PCNX4: variants seen among roughly 807,000 people sequenced by gnomAD.
PCNX4 encodes pecanex 4.
Under a neutral mutation model 107.2 loss-of-function variants are expected in PCNX4, and 103 were observed. The ratio of observed to expected loss-of-function variants is 0.96; its 90% CI spans 0.82 to 1.13. PCNX4 has a LOEUF of 1.13. Ranked by LOEUF, PCNX4 falls within the 50% of genes most tolerant of loss-of-function variation. The pLI, the probability that PCNX4 is intolerant of heterozygous loss-of-function variation, is 0.00. For missense variants in PCNX4, 1,528 were observed against 1,379.4 expected, an observed-to-expected ratio of 1.11 and a Z score of -1.71; for synonymous variants, 541 against 481.7, an observed-to-expected ratio of 1.12 and a Z score of -1.61.
Position 60,125,043 on chromosome 14 carries a change from C to G in PCNX4, c.2872C>G (p.Leu958Val). Residue 958 changes from leucine (L) to valine (V), a missense_variant, in exon 9 of 11, where the codon CTG (leucine) becomes GTG (valine). Leu to Val is a conservative substitution (Grantham distance 32). Transcript: ENST00000406854. ...TTCAGAAGAGAAGGCCTCAAATGTA[C>G]TGGAAGAAATTGCCAAGGACAAAGT... is the stretch of plus-strand genomic sequence containing the variant. Reference protein sequence around the residue: ...YHSEEKASNVLEEIAKDKVLK... With the variant: ...YHSEEKASNVVEEIAKDKVLK... 1 of 1,613,646 alleles carries G rather than the reference C, an allele frequency of 6.2e-7. No homozygotes were observed. Among genetic ancestry groups the G allele is most frequent in the Non-Finnish European group, 8.5e-7 (1 of 1,179,710 alleles).
chr14:60,109,797 C>G (rs1895699814), intron 2 of PCNX4: 1 of 167,126 alleles, frequency 6.0e-6, no homozygotes, highest in Admixed American at 6.5e-5. Context: ...CTGATGAAGT[C>G]TGAAGTCCCC....
Position 60,092,160 on chromosome 14 carries a change from C to G in PCNX4, c.-313C>G, listed in dbSNP as rs1895308564. ...CACAGACCGGGGCAGCGAGGCCAGC[C>G]AGGCGCCGACGAGGTCCCCGAACGC... is the stretch of plus-strand genomic sequence containing the variant. On this transcript the variant is annotated 5_prime_UTR_variant, in exon 1 of 11. Coordinates refer to ENST00000406854, the MANE Select transcript of PCNX4 (RefSeq NM_001330177.2). 6.6e-6 allele frequency: 1 copy of G among 152,352 alleles called. No individual in the cohort carries two copies. Among genetic ancestry groups the G allele is most frequent in the South Asian group, 2.1e-4 (1 of 4,838 alleles). The allele number at this position is 152,352 out of a possible 1,614,324, so 9.4% of individuals were successfully genotyped here. A position where few individuals can be genotyped will look rare whatever the true frequency, so the allele number is the denominator to read the frequency against.
At chr14:60,111,856 G>T (rs1895746795) in intron 2 of PCNX4, among the ~76,000 whole-genome samples, 1 of 152,042 alleles carries the variant, frequency 6.6e-6, no homozygotes, top group African/African-American at 2.4e-5. Context: ...TATTTTTAAA[G>T]AAGAAAATGA....
In PCNX4 at chr14:60,121,264, G is replaced by T; in HGVS notation, c.2011G>T (p.Glu671Ter). 6.2e-7 allele frequency: 1 copy of T among 1,610,580 alleles called. No individual in the cohort carries two copies. The highest frequency in any genetic ancestry group is 8.5e-7 in the Non-Finnish European group (1 of 1,178,314). ...QDRLMWIMIL[E>*]CGYTYCSINI... is the part of the protein sequence containing the mutation. ...TCGTTTAATGTGGATAATGATTCTGGAATGTGGCTATACTTACTGCTCTAT... is the reference window on the plus strand; with the variant it reads ...TCGTTTAATGTGGATAATGATTCTGTAATGTGGCTATACTTACTGCTCTAT... The change falls in exon 8 of 11, where the codon GAA becomes TAA. Residue 671 changes from glutamate to a stop codon, truncating the protein, a stop_gained. Coordinates refer to ENST00000406854, the MANE Select transcript of PCNX4 (RefSeq NM_001330177.2). LOFTEE classifies it high-confidence loss of function.
At position 60,144,692 on chromosome 14, in the gene PCNX4, C is replaced by A. The variant is rs1305707892; in HGVS notation, c.*10471C>A. 9.2e-6 allele frequency: 3 copies of A among 327,796 alleles called. No individual in the cohort carries two copies. The allele number at this position is 327,796 out of a possible 1,614,324, so 20.3% of individuals were successfully genotyped here. A position where few individuals can be genotyped will look rare whatever the true frequency, so the allele number is the denominator to read the frequency against. On this transcript the variant is annotated 3_prime_UTR_variant, in exon 11 of 11. Transcript: ENST00000406854. ...TTATAGCAGCACAAATGGACTAAGA[C>A]AAATCTGTTAACTTAGATTTTAAGC...
intron 1 of PCNX4, among the ~76,000 whole-genome samples, chr14:60,106,657 G>A (rs1018897356): frequency 6.6e-6 from 1 of 152,200 alleles, no homozygotes; most frequent in Non-Finnish European, 1.5e-5. Flanking sequence ...ATTCTTAAAG[G>A]TGACCCCCAA....
chr14:60,112,808 A>G (rs1248817383), intron 2 of PCNX4, among the ~76,000 whole-genome samples: 1 of 152,222 alleles, frequency 6.6e-6, no homozygotes, highest in Non-Finnish European at 1.5e-5. Flanking sequence ...TCTACTCAGA[A>G]TGAAATGAAT....
At chr14:60,123,459 C>T (rs1233777470) in intron 8 of PCNX4, among the ~76,000 whole-genome samples, 1 of 152,006 alleles carries the variant, frequency 6.6e-6, no homozygotes, top group Non-Finnish European at 1.5e-5. Flanking sequence ...GACTGAAAAA[C>T]AAGTTCTGAA....
Position 60,146,782 on chromosome 14 carries a change from A to C in PCNX4, c.*12561A>C, listed in dbSNP as rs1008858770. On this transcript the variant is annotated 3_prime_UTR_variant, in exon 11 of 11. Coordinates refer to ENST00000406854, the MANE Select transcript of PCNX4 (RefSeq NM_001330177.2). The surrounding 1 kb of genome is among the most constrained non-coding windows in gnomAD (Gnocchi z 4.9). The stretch of plus-strand genomic sequence containing the variant: ...GCATTTGTGAAAACATGGATAATGA[A>C]TGGACGTTAATGCTAAGTGATATAA... The C allele has an allele frequency of 6.6e-6, 1 of 152,204 alleles. No individual in the cohort carries two copies. Among genetic ancestry groups the C allele is most frequent in the Non-Finnish European group, 1.5e-5 (1 of 68,026 alleles). The allele number at this position is 152,204 out of a possible 1,614,324, so 9.4% of individuals were successfully genotyped here.
Position 60,139,581 on chromosome 14 carries a change from GAAT to G in PCNX4, c.*5365_*5367del, listed in dbSNP as rs1896283780. On this transcript the variant is annotated 3_prime_UTR_variant, in exon 11 of 11. Transcript: ENST00000406854. Reference sequence around the variant, plus strand: ...AAAATACGTAAATATGTAAAGATTGGAATAATACTTTAAAACTTAACCTAATTG... The same window carrying G: ...AAAATACGTAAATATGTAAAGATTGGAATACTTTAAAACTTAACCTAATTG... 6.6e-6 allele frequency: 1 copy of G among 152,012 alleles called. No individual in the cohort carries two copies. Among genetic ancestry groups the G allele is most frequent in the Non-Finnish European group, 1.5e-5 (1 of 67,958 alleles). 9.4% of individuals were successfully genotyped at this position (152,012 alleles called of 1,614,324 possible). A position where few individuals can be genotyped will look rare whatever the true frequency, so the allele number is the denominator to read the frequency against.
chr14:60,118,972 A>G (rs563078755), intron 7 of PCNX4, among the ~76,000 whole-genome samples: 2 of 152,324 alleles, frequency 1.3e-5, no homozygotes, highest in East Asian at 1.9e-4. Context: ...TCAGATTACA[A>G]TGCACCATCG....
intron 1 of PCNX4, among the ~76,000 whole-genome samples, chr14:60,097,050 T>TTTAAA (rs71111689): frequency 0.75 from 113,349 of 151,500 alleles, 44,490 homozygotes; most frequent in Non-Finnish European, 0.87. Context: ...TTTTCTACAG[T>TTTAAA]TTAAATTCTG....
intron 1 of PCNX4, among the ~76,000 whole-genome samples, chr14:60,096,263 A>T (rs1048874998): frequency 1.3e-5 from 2 of 152,310 alleles, no homozygotes; most frequent in Middle Eastern, 3.4e-3. Context: ...CCGTGAGTCT[A>T]TGTAAAGCCA....
chr14:60,108,049 A>T lies in PCNX4; in HGVS notation c.411A>T (p.Val137=). 1 of 1,612,866 alleles carries T rather than the reference A, an allele frequency of 6.2e-7. No individual in the cohort carries two copies. Among genetic ancestry groups the T allele is most frequent in the Non-Finnish European group, 8.5e-7 (1 of 1,179,868 alleles). ...TTCTCATTCCTGGCAAGAAATATGT[A>T]GCCAATACAGTTTTTCATTCTATTC... ...VKFLIPGKKY[V]ANTVFHSILA... Residue 137 remains valine (V), a synonymous_variant, in exon 2 of 11, where the codon GTA becomes GTT. Coordinates refer to ENST00000406854, the MANE Select transcript of PCNX4 (RefSeq NM_001330177.2).
chr14:60,130,827 C>A (rs1896140963), intron 10 of PCNX4, among the ~76,000 whole-genome samples: 1 of 151,080 alleles, frequency 6.6e-6, no homozygotes, highest in Admixed American at 6.6e-5. Context: ...TAAGGCTGGG[C>A]GCAGTGGTTC....
intron 8 of PCNX4, 54 bp downstream of exon 8, chr14:60,121,353 T>G: frequency 6.4e-7 from 1 of 1,565,942 alleles, no homozygotes; most frequent in Non-Finnish European, 8.7e-7. Flanking sequence ...GTGTAAAATT[T>G]TACCTGTTAT....
chr14:60,102,066 G>A (rs894969071), intron 1 of PCNX4, among the ~76,000 whole-genome samples: 3 of 152,126 alleles, frequency 2.0e-5, no homozygotes, highest in Non-Finnish European at 4.4e-5. Context: ...GCCAGAGAAT[G>A]GGGGGAGGGA....
In PCNX4 at chr14:60,107,676, A is replaced by G; in HGVS notation, c.38A>G (p.Gln13Arg). 3 of 1,612,850 alleles carry G rather than the reference A, an allele frequency of 1.9e-6. No individual in the cohort carries two copies. Among genetic ancestry groups the G allele is most frequent in the Non-Finnish European group, 2.5e-6 (3 of 1,179,880 alleles). ...GTGCCTCTACTGAATGATTACAAGC[A>G]GGACTTCTTTCTGAAGCGCTTTCCA... Reference protein sequence around the residue: ...PDVPLLNDYKQDFFLKRFPQT... With the variant: ...PDVPLLNDYKRDFFLKRFPQT... Residue 13 changes from glutamine to arginine, a missense_variant, in exon 2 of 11, where the codon CAG (glutamine) becomes CGG (arginine). By Grantham distance (43) the Gln-to-Arg change is conservative. Transcript: ENST00000406854.
chr14:60,100,787 TA>T (rs1178134924), intron 1 of PCNX4, among the ~76,000 whole-genome samples: 1 of 152,196 alleles, frequency 6.6e-6, no homozygotes, highest in Non-Finnish European at 1.5e-5. Context: ...GACTCTGGCA[TA>T]ACAAGGAAGA....
Sources: gnomAD v4.1 joint callset for allele counts (sites outside exome capture counted in the v4.1 genomes callset) on GRCh38, gnomAD v4.1.1 for gene constraint, Gnocchi (gnomAD v3.1) non-coding constraint, MANE v1.5 for transcripts, NCBI Gene and HGNC (gene_info 2026-07-23, HGNC 2026-07-21) for gene names.